Variants in EPB41L2 observed in about 807,000 individuals in gnomAD.
EPB41L2 encodes the protein erythrocyte membrane protein band 4.1 like 2, also known as band 4.1-like protein 2.
In EPB41L2, 43 loss-of-function variants were observed where a neutral mutation model predicts 113.0. The ratio of observed to expected loss-of-function variants is 0.38; its 90% CI spans 0.30 to 0.49. The LOEUF is 0.49. Ranked by LOEUF, EPB41L2 falls within the 20% of genes least tolerant of loss-of-function variation. The probability of loss-of-function intolerance (pLI) is 0.95; values close to 1 mark genes in which losing one functional copy is unlikely to be tolerated. For synonymous variants in EPB41L2, 442 were observed against 436.7 expected (o/e 1.01, Z -0.15); for missense variants, 1,147 against 1,223.4 (o/e 0.94, Z 0.93).
chr6:130,884,196 G>C (rs893819563), intron 12 of EPB41L2, among the ~76,000 whole-genome samples: 1 of 151,966 alleles, frequency 6.6e-6, no homozygotes, highest in African/African-American at 2.4e-5. Flanking sequence ...AGCCGGGCAC[G>C]TGGTGGCAGG....
chr6:130,974,860 C>T (rs986995567), intron 1 of EPB41L2, among the ~76,000 whole-genome samples: 3 of 151,318 alleles, frequency 2.0e-5, no homozygotes, highest in Admixed American at 6.6e-5. Context: ...CGAGTTCAAG[C>T]GATTCTCCTG....
chr6:131,006,797 T>A (rs577130641), intron 1 of EPB41L2, among the ~76,000 whole-genome samples: 32 of 152,186 alleles, frequency 2.1e-4, no homozygotes, highest in Middle Eastern at 3.4e-3. Context: ...TCTACAATTA[T>A]CTCAATTTCA....
chr6:130,885,649 C>T (rs1790708920), intron 11 of EPB41L2, among the ~76,000 whole-genome samples: 2 of 152,094 alleles, frequency 1.3e-5, no homozygotes, highest in Admixed American at 1.3e-4. Flanking sequence ...ATTTCTGAAT[C>T]TATCTATTGC....
chr6:131,003,244 G>T (rs1311885929), intron 1 of EPB41L2, among the ~76,000 whole-genome samples: 1 of 152,084 alleles, frequency 6.6e-6, no homozygotes, highest in African/African-American at 2.4e-5. Flanking sequence ...ACAAAAATAT[G>T]TGTTTACTTA....
chr6:130,860,817 A>C (rs1437743356), intron 18 of EPB41L2, among the ~76,000 whole-genome samples: 1 of 151,280 alleles, frequency 6.6e-6, no homozygotes, highest in Non-Finnish European at 1.5e-5. Context: ...TACAGGCTTG[A>C]GCCACCGCGC....
chr6:130,994,979 T>C lies in EPB41L2; in HGVS notation c.-14-38480A>G, dbSNP rs59627131. 0.012 allele frequency among the ~76,000 whole-genome samples: 1,788 copies of C among 148,912 alleles called. 196 individuals carry two copies. In the East Asian group the frequency reaches 0.28, roughly 23 times the overall value. ...TGCTTCAAGTTGTCCCACCCCACCT[T>C]TCCAGACAGAACCTATATTCATCCT... On this transcript the variant is annotated intron_variant, in intron 1 of 19. Coordinates refer to ENST00000337057, the MANE Select transcript of EPB41L2 (RefSeq NM_001431.4).
chr6:130,882,528 C>T (rs1789646996), intron 12 of EPB41L2: 1 of 152,706 alleles, frequency 6.5e-6, no homozygotes, highest in South Asian at 2.1e-4. Flanking sequence ...GCAACTACTT[C>T]CTCTTCCTCG....
At chr6:131,005,666 A>G (rs1785339345) in intron 1 of EPB41L2, among the ~76,000 whole-genome samples, 1 of 152,194 alleles carries the variant, frequency 6.6e-6, no homozygotes, top group Admixed American at 6.5e-5. Context: ...TTCCTACTTA[A>G]AAGGCAAATC....
At chr6:130,858,341 C>G (rs112560325) in intron 18 of EPB41L2, 98 bp from the exon 19 acceptor site, 8 of 883,862 alleles carry the variant, frequency 9.1e-6, no homozygotes, top group African/African-American at 5.0e-5. Flanking sequence ...GACCCAACCT[C>G]AAGCCAAGAG....
Position 130,980,571 on chromosome 6 carries a change from C to T in EPB41L2, c.-14-24072G>A, listed in dbSNP as rs1031119043. 6.3e-5 allele frequency among the ~76,000 whole-genome samples: 9 copies of T among 142,534 alleles called. No individual in the cohort carries two copies. The East Asian group carries it at 1.8e-3, about 29-fold the overall frequency. The allele number at this position is 142,534 out of a possible 152,430, so 93.5% of individuals were successfully genotyped here. A position where few individuals can be genotyped will look rare whatever the true frequency, so the allele number is the denominator to read the frequency against. On this transcript the variant is annotated intron_variant, in intron 1 of 19. Coordinates refer to ENST00000337057, the MANE Select transcript of EPB41L2 (RefSeq NM_001431.4). ...GAAGCTAGAAAGATTGGGGGAGGGGCAGGGGTGGGGTGGATCTAACAACTT... is the reference window on the plus strand; with the variant it reads ...GAAGCTAGAAAGATTGGGGGAGGGGTAGGGGTGGGGTGGATCTAACAACTT...
intron 19 of EPB41L2, among the ~76,000 whole-genome samples, chr6:130,857,506 A>T (rs1780623263): frequency 6.6e-6 from 1 of 150,490 alleles, no homozygotes; most frequent in Non-Finnish European, 1.5e-5. Context: ...ATTTTTACAC[A>T]GTCAAAGAAA....
intron 1 of EPB41L2, among the ~76,000 whole-genome samples, chr6:130,984,884 A>C (rs1239450283): frequency 1.1e-4 from 17 of 152,220 alleles, no homozygotes; most frequent in Admixed American, 1.1e-3. Flanking sequence ...AAGAAACTTG[A>C]ATAAAACTCT....
chr6:130,991,481 T>C (rs1404573135), intron 1 of EPB41L2, among the ~76,000 whole-genome samples: 1 of 152,236 alleles, frequency 6.6e-6, no homozygotes, highest in Non-Finnish European at 1.5e-5. Flanking sequence ...AAGGTCTTAC[T>C]ACTGGGCATC....
In EPB41L2 at chr6:130,903,293, A is replaced by G. The variant is rs562452631; in HGVS notation, c.929+1172T>C. 7.2e-5 allele frequency among the ~76,000 whole-genome samples: 11 copies of G among 152,174 alleles called. No individual in the cohort carries two copies. The South Asian group carries it at 2.3e-3, about 32-fold the overall frequency. On this transcript the variant is annotated intron_variant, in intron 6 of 19. Coordinates refer to ENST00000337057, the MANE Select transcript of EPB41L2 (RefSeq NM_001431.4). ...GCCATTCGGTCAGGTTTTATGCTCT[A>G]AGTAGCTCACTGTGCAGTTACAAAA...
At chr6:130,915,258 C>G (rs1269788787) in intron 4 of EPB41L2, among the ~76,000 whole-genome samples, 4 of 151,960 alleles carry the variant, frequency 2.6e-5, no homozygotes, top group African/African-American at 9.7e-5. Context: ...AGCCGAGATC[C>G]CGCCACTGCA....
intron 1 of EPB41L2, among the ~76,000 whole-genome samples, chr6:131,030,635 G>T (rs940561310): frequency 5.9e-5 from 9 of 152,176 alleles, no homozygotes; most frequent in African/African-American, 2.2e-4. Flanking sequence ...AAGTTAATCT[G>T]AACCATTTAT....
At position 130,904,764 on chromosome 6, in the gene EPB41L2, G is replaced by C. The variant is rs185712366; in HGVS notation, c.854-224C>G. On this transcript the variant is annotated intron_variant, in intron 5 of 19. Transcript: ENST00000337057. ...AATAAGCCACCATTAAAGAGTAATA[G>C]GTTCTCTTTCTTATAAACATTTACT... Among the ~76,000 whole-genome samples, 41 of 151,928 alleles carry C rather than the reference G, an allele frequency of 2.7e-4. 1 individual carries two copies. Among genetic ancestry groups the C allele is most frequent in the Admixed American group, 2.5e-3 (38 of 15,270 alleles).
At chr6:130,912,527 G>A (rs1334971793) in intron 4 of EPB41L2, among the ~76,000 whole-genome samples, 1 of 152,150 alleles carries the variant, frequency 6.6e-6, no homozygotes, top group African/African-American at 2.4e-5. Flanking sequence ...TCTCAATAAA[G>A]AACTACCAGA....
chr6:131,042,116 C>A (rs1033797395), intron 1 of EPB41L2, among the ~76,000 whole-genome samples: 1 of 152,086 alleles, frequency 6.6e-6, no homozygotes, highest in South Asian at 2.1e-4. Flanking sequence ...AAGGCGGGTA[C>A]GTGGGGATTC....
Sources: gnomAD v4.1 joint callset for allele counts (sites outside exome capture counted in the v4.1 genomes callset) on GRCh38, gnomAD v4.1.1 for gene constraint, MANE v1.5 for transcripts, NCBI Gene and HGNC (gene_info 2026-07-23, HGNC 2026-07-21) for gene names.